The following CCER2 variants were observed in gnomAD, a reference collection of about 807,000 sequenced individuals.
CCER2 encodes the protein coiled-coil domain-containing glutamate-rich protein 2.
In CCER2, 20 loss-of-function variants were observed where a neutral mutation model predicts 27.1. That is an observed-to-expected ratio of 0.74 (90% CI 0.52 to 1.07). CCER2 has a LOEUF of 1.07. CCER2 is among the 50% of genes least tolerant of loss of function. CCER2 has a pLI of 0.00. For synonymous variants in CCER2, 140 were observed against 144.3 expected (o/e 0.97, Z 0.21); for missense variants, 351 against 344.7 (o/e 1.02, Z -0.14).
chr19:38,909,974 G>C (rs1331224290), intron 4 of CCER2, among the ~76,000 whole-genome samples: 1 of 151,522 alleles, frequency 6.6e-6, no homozygotes, highest in Non-Finnish European at 1.5e-5. Flanking sequence ...CCGGGTTCAA[G>C]CAATCCCACC....
Position 38,910,569 on chromosome 19 carries a change from C to T in CCER2, c.705G>A (p.Glu235=), listed in dbSNP as rs1313653801. ...EPRQEKEEAS[E]REEKEVEQLE... is the part of the protein sequence containing the mutation. ...CCTTCATCCCCCTACTCACCTCCCT[C>T]TCCGAAGCCTCCTCCTTCTCCTGCC... The change falls in exon 4 of 5, where the codon GAG becomes GAA. Residue 235 remains glutamate (E), a synonymous_variant. Coordinates refer to ENST00000571838, the MANE Select transcript of CCER2 (RefSeq NM_001243212.2). 6.8e-7 allele frequency: 1 copy of T among 1,479,870 alleles called. No homozygotes were observed. The highest frequency in any genetic ancestry group is 2.2e-5 in the Admixed American group (1 of 44,528). 91.7% of individuals were successfully genotyped at this position (1,479,870 alleles called of 1,614,324 possible).
chr19:38,911,979 C>G (rs918733017), intron 1 of CCER2, 119 bp downstream of exon 1: 36 of 1,467,898 alleles, frequency 2.5e-5, no homozygotes, highest in Non-Finnish European at 3.0e-5. Context: ...GTGTACTGTC[C>G]CCCGCTGGAG....
chr19:38,909,278 C>G lies in CCER2; in HGVS notation c.759G>C (p.Lys253Asn), dbSNP rs933887286. Residue 253 changes from lysine (K) to asparagine (N), a missense_variant, in exon 5 of 5, where the codon AAG (lysine) becomes AAC (asparagine). Coordinates refer to ENST00000571838, the MANE Select transcript of CCER2 (RefSeq NM_001243212.2). ...QLEHLRDELKKVTETLGEQLR... is the reference protein window; with the variant it reads ...QLEHLRDELKNVTETLGEQLR... ...GCTGCTCCCCCAGCGTCTCTGTCAC[C>G]TTCTTCAGTTCGTCTCTCAAGTGCT... 4 of 1,533,198 alleles carry G rather than the reference C, an allele frequency of 2.6e-6. No homozygotes were observed. The highest frequency in any genetic ancestry group is 3.5e-6 in the Non-Finnish European group (4 of 1,145,032). 95.0% of individuals were successfully genotyped at this position (1,533,198 alleles called of 1,614,324 possible). A position where few individuals can be genotyped will look rare whatever the true frequency, so the allele number is the denominator to read the frequency against.
chr19:38,911,545 TGGGGCCC>T lies in CCER2; in HGVS notation c.190+14_190+20del. 6.5e-7 allele frequency: 1 copy of T among 1,532,404 alleles called. No individual in the cohort carries two copies. The highest frequency in any genetic ancestry group is 2.4e-5 in the East Asian group (1 of 40,888). The allele number at this position is 1,532,404 out of a possible 1,614,324, so 94.9% of individuals were successfully genotyped here. A position where few individuals can be genotyped will look rare whatever the true frequency, so the allele number is the denominator to read the frequency against. ...GTCCCATGGGGTTGTGGAGGGCAAGTGGGGCCCGGGGCCTCCTTACCCTTGTGGAGAA... is the reference window on the plus strand; with the variant it reads ...GTCCCATGGGGTTGTGGAGGGCAAGTGGGGCCTCCTTACCCTTGTGGAGAA... On this transcript the variant is annotated intron_variant, in intron 3 of 4. Coordinates refer to ENST00000571838, the MANE Select transcript of CCER2 (RefSeq NM_001243212.2).
chr19:38,911,471 G>T, intron 3 of CCER2, 95 bp downstream of exon 3: 1 of 1,031,460 alleles, frequency 9.7e-7, no homozygotes. Flanking sequence ...TAGCCTGGGT[G>T]GGAGAGCATG....
rs535236978 is a variant in CCER2, at chr19:38,910,827, C to G, written c.447G>C (p.Glu149Asp). ...EKEERKRGPM[E>D]TFEDLWQRHL... ...GCCGCTGCCACAGGTCCTCAAAGGT[C>G]TCCATGGGCCCCCTCTTCCTCTCCT... The change falls in exon 4 of 5, where the codon GAG becomes GAC. Residue 149 changes from glutamate (E) to aspartate (D), a missense_variant. Coordinates refer to ENST00000571838, the MANE Select transcript of CCER2 (RefSeq NM_001243212.2). 1.8e-4 allele frequency: 275 copies of G among 1,531,606 alleles called. 1 individual carries two copies. In the African/African-American group the frequency reaches 2.0e-3, roughly 11 times the overall value. The allele number at this position is 1,531,606 out of a possible 1,614,324, so 94.9% of individuals were successfully genotyped here.
At position 38,910,891 on chromosome 19, in the gene CCER2, CGATGCCCTTGCATGCG is replaced by C; in HGVS notation, c.367_382del (p.Arg123AlafsTer32). 1 of 1,516,552 alleles carries C rather than the reference CGATGCCCTTGCATGCG, an allele frequency of 6.6e-7. No individual in the cohort carries two copies. Among genetic ancestry groups the C allele is most frequent in the Admixed American group, 2.0e-5 (1 of 48,992 alleles). 93.9% of individuals were successfully genotyped at this position (1,516,552 alleles called of 1,614,324 possible). A position where few individuals can be genotyped will look rare whatever the true frequency, so the allele number is the denominator to read the frequency against. ...CTCGTCCTCCTCCTGGTGGAGCTGG[CGATGCCCTTGCATGCG>C]GATGGCTTGTTCCTGGACCTCAGAC... On this transcript the variant is annotated frameshift_variant, in exon 4 of 5. Transcript: ENST00000571838. LOFTEE classifies it high-confidence loss of function.
intron 4 of CCER2, 46 bp from the exon 5 acceptor site, chr19:38,909,371 A>T: frequency 6.6e-7 from 1 of 1,510,294 alleles, no homozygotes; most frequent in Non-Finnish European, 8.9e-7. Context: ...CTTCAAAGGC[A>T]GGCCACCTCG....
At position 38,910,862 on chromosome 19, in the gene CCER2, C is replaced by G; in HGVS notation, c.412G>C (p.Glu138Gln). The change falls in exon 4 of 5, where the codon GAG becomes CAG. Residue 138 changes from glutamate to glutamine, a missense_variant. Coordinates refer to ENST00000571838, the MANE Select transcript of CCER2 (RefSeq NM_001243212.2). ...RQLHQEEDEE[E>Q]EKEERKRGPM... ...CCCCTCTTCCTCTCCTCCTTCTCCT[C>G]CTCCTCGTCCTCCTCCTGGTGGAGC... 1 of 1,519,946 alleles carries G rather than the reference C, an allele frequency of 6.6e-7. No individual in the cohort carries two copies. Among genetic ancestry groups the G allele is most frequent in the Non-Finnish European group, 8.8e-7 (1 of 1,138,608 alleles). 94.2% of individuals were successfully genotyped at this position (1,519,946 alleles called of 1,614,324 possible).
chr19:38,910,529 T>C (rs1178616900), intron 4 of CCER2, 34 bp downstream of exon 4: 1 of 1,438,908 alleles, frequency 6.9e-7, no homozygotes, highest in Non-Finnish European at 9.1e-7. Context: ...GCCTCCAAAC[T>C]GTGTTGGTGT....
chr19:38,910,577 C>A lies in CCER2; in HGVS notation c.697G>T (p.Ala233Ser). The A allele has an allele frequency of 1.3e-6, 2 of 1,486,748 alleles. No homozygotes were observed. Among genetic ancestry groups the A allele is most frequent in the Non-Finnish European group, 8.9e-7 (1 of 1,119,788 alleles). The allele number at this position is 1,486,748 out of a possible 1,614,324, so 92.1% of individuals were successfully genotyped here. A position where few individuals can be genotyped will look rare whatever the true frequency, so the allele number is the denominator to read the frequency against. ...CCCCTACTCACCTCCCTCTCCGAAG[C>A]CTCCTCCTTCTCCTGCCTGGGCTCA... Reference protein sequence around the residue: ...EAEPRQEKEEASEREEKEVEQ... With the variant: ...EAEPRQEKEESSEREEKEVEQ... The change falls in exon 4 of 5, where the codon GCT becomes TCT. Residue 233 changes from alanine (A) to serine (S), a missense_variant. Transcript: ENST00000571838.
chr19:38,909,920 G>A (rs963981486), intron 4 of CCER2, among the ~76,000 whole-genome samples: 5 of 151,050 alleles, frequency 3.3e-5, no homozygotes, highest in Admixed American at 2.0e-4. Flanking sequence ...TGGCCCAGGC[G>A]GGACTGCTGT....
Position 38,910,485 on chromosome 19 carries a change from G to A in CCER2, c.711+78C>T, listed in dbSNP as rs191790765. Reference sequence around the variant, plus strand: ...TGGTGCAGGGCCAACACCGGTGGCTGTGAGTTGTGACTCCACTGACCATCA... The same window carrying A: ...TGGTGCAGGGCCAACACCGGTGGCTATGAGTTGTGACTCCACTGACCATCA... On this transcript the variant is annotated intron_variant, in intron 4 of 4. Coordinates refer to ENST00000571838, the MANE Select transcript of CCER2 (RefSeq NM_001243212.2). 7.0e-6 allele frequency: 10 copies of A among 1,422,424 alleles called. No homozygotes were observed. The Admixed American group carries it at 1.1e-4, about 16-fold the overall frequency. 88.1% of individuals were successfully genotyped at this position (1,422,424 alleles called of 1,614,324 possible).
At chr19:38,911,906 T>A in intron 1 of CCER2, 54 bp from the exon 2 acceptor site, 1 of 1,530,276 alleles carries the variant, frequency 6.5e-7, no homozygotes, top group Non-Finnish European at 8.7e-7. Flanking sequence ...CTGTCCCCGG[T>A]ACCGACCCCA....
Position 38,910,878 on chromosome 19 carries a change from C to A in CCER2, c.396G>T (p.Gln132His). The A allele has an allele frequency of 6.6e-7, 1 of 1,518,380 alleles. No individual in the cohort carries two copies. The highest frequency in any genetic ancestry group is 1.2e-5 in the South Asian group (1 of 80,174). 94.1% of individuals were successfully genotyped at this position (1,518,380 alleles called of 1,614,324 possible). The change falls in exon 4 of 5, where the codon CAG becomes CAT. Residue 132 changes from glutamine (Q) to histidine (H), a missense_variant. Transcript: ENST00000571838. ...IRMQGHRQLH[Q>H]EEDEEEEKEE... ...CCTTCTCCTCCTCCTCGTCCTCCTC[C>A]TGGTGGAGCTGGCGATGCCCTTGCA...
rs144792695 is a variant in CCER2 at position 38,910,611 on chromosome 19, C to CTGGTGGTGG, written c.654_662dup (p.His218_His220dup). Reference sequence around the variant, plus strand: ...TCTCCTGCCTGGGCTCAGCCTCTGGCTGGTGGTGGTGGTGGTGGTGGTGGG... The same window carrying CTGGTGGTGG: ...TCTCCTGCCTGGGCTCAGCCTCTGGCTGGTGGTGGTGGTGGTGGTGGTGGTGGTGGTGGG... On this transcript the variant is annotated inframe_insertion, in exon 4 of 5. Coordinates refer to ENST00000571838, the MANE Select transcript of CCER2 (RefSeq NM_001243212.2). 21 of 1,518,128 alleles carry CTGGTGGTGG rather than the reference C, an allele frequency of 1.4e-5. No homozygotes were observed. The South Asian group carries it at 1.5e-4, about 11-fold the overall frequency. 94.0% of individuals were successfully genotyped at this position (1,518,128 alleles called of 1,614,324 possible). A position where few individuals can be genotyped will look rare whatever the true frequency, so the allele number is the denominator to read the frequency against.
intron 4 of CCER2, among the ~76,000 whole-genome samples, chr19:38,909,557 G>A (rs1568418691): frequency 6.6e-6 from 1 of 152,110 alleles, no homozygotes; most frequent in Admixed American, 6.6e-5. Flanking sequence ...TGCCTGGGAT[G>A]AGCACCTCGT....
chr19:38,910,974 C>T lies in CCER2; in HGVS notation c.300G>A (p.Val100=), dbSNP rs771208548. 389 of 1,518,018 alleles carry T rather than the reference C, an allele frequency of 2.6e-4. No individual in the cohort carries two copies. Among genetic ancestry groups the T allele is most frequent in the Non-Finnish European group, 3.3e-4 (379 of 1,138,378 alleles). The allele number at this position is 1,518,018 out of a possible 1,614,324, so 94.0% of individuals were successfully genotyped here. ...CTACCTCCTCCTCTTCCTCATCCCT[C>T]ACCTCCTGGCTGGACCTCATCTTCC... ...EAGKMRSSQE[V]RDEEEEEVAE... is the part of the protein sequence containing the mutation. Residue 100 remains valine, a synonymous_variant, in exon 4 of 5, where the codon GTG becomes GTA. Transcript: ENST00000571838.
At position 38,910,586 on chromosome 19, in the gene CCER2, T is replaced by C. The variant is rs977643065; in HGVS notation, c.688A>G (p.Lys230Glu). 1.1e-5 allele frequency: 16 copies of C among 1,494,490 alleles called. No individual in the cohort carries two copies. In the Middle Eastern group the frequency reaches 1.0e-3, roughly 96 times the overall value. 92.6% of individuals were successfully genotyped at this position (1,494,490 alleles called of 1,614,324 possible). A position where few individuals can be genotyped will look rare whatever the true frequency, so the allele number is the denominator to read the frequency against. The change falls in exon 4 of 5, where the codon AAG (lysine) becomes GAG (glutamate). Residue 230 changes from lysine to glutamate, a missense_variant. Physicochemically the swap from Lys to Glu is moderately conservative, Grantham distance 56 (BLOSUM62 1). Coordinates refer to ENST00000571838, the MANE Select transcript of CCER2 (RefSeq NM_001243212.2). The part of the protein sequence containing the change: ...HQPEAEPRQE[K>E]EEASEREEKE... ...ACCTCCCTCTCCGAAGCCTCCTCCT[T>C]CTCCTGCCTGGGCTCAGCCTCTGGC...
Sources: allele counts gnomAD v4.1 joint callset (sites outside exome capture counted in the v4.1 genomes callset), GRCh38; gene constraint gnomAD v4.1.1; transcripts MANE v1.5; gene names NCBI Gene and HGNC (gene_info 2026-07-23, HGNC 2026-07-21).